DDX4: variants seen among roughly 807,000 people sequenced by gnomAD.
The protein encoded by DDX4 is probable ATP-dependent RNA helicase DDX4.
DDX4 carries 25 observed loss-of-function variants against 100.0 expected under a neutral mutation model. The observed-to-expected ratio is 0.25, with a 90% CI of 0.18 to 0.35. DDX4 has a LOEUF of 0.35. Ranked by LOEUF, DDX4 falls within the 10% of genes least tolerant of loss-of-function variation. DDX4 has a pLI of 1.00. For missense variants in DDX4, 635 were observed against 882.4 expected, an observed-to-expected ratio of 0.72 and a Z score of 3.55; for synonymous variants, 259 against 275.7, an observed-to-expected ratio of 0.94 and a Z score of 0.60.
intron 2 of DDX4, 63 bp from the exon 3 acceptor site, chr5:55,746,101 G>A (rs1259287462): frequency 2.3e-6 from 3 of 1,285,622 alleles, no homozygotes; most frequent in South Asian, 2.6e-5. Context: ...TAGTATTTGT[G>A]AAATAAATGA....
intron 2 of DDX4, 71 bp from the exon 3 acceptor site, chr5:55,746,093 G>A: frequency 8.4e-7 from 1 of 1,188,150 alleles, no homozygotes; most frequent in Non-Finnish European, 1.2e-6. Flanking sequence ...TAATTTTCTA[G>A]TATTTGTGAA....
At chr5:55,812,551 C>T (rs1561520327) in intron 18 of DDX4, among the ~76,000 whole-genome samples, 2 of 138,684 alleles carry the variant, frequency 1.4e-5, no homozygotes, top group South Asian at 4.5e-4. Flanking sequence ...CGAGATTGCG[C>T]CACTGCACTC....
In DDX4 at chr5:55,792,795, A is replaced by G; in HGVS notation, c.1457A>G (p.Glu486Gly). The part of the protein sequence containing the change: ...QTLMFSATFP[E>G]EIQRLAAEFL... ...CTTATGTTCAGTGCAACTTTTCCAG[A>G]GGAAATTCAAAGGTTAAGTTTTTTT... Residue 486 changes from glutamate to glycine, a missense_variant, in exon 17 of 22, where the codon GAG (glutamate) becomes GGG (glycine). By Grantham distance (98) the Glu-to-Gly change is moderately conservative. This residue lies in a region of DDX4 where 115 missense variants were observed against 224.7 expected (regional missense o/e 0.51). Transcript: ENST00000505374. 1 of 1,417,524 alleles carries G rather than the reference A, an allele frequency of 7.1e-7. No individual in the cohort carries two copies. Among genetic ancestry groups the G allele is most frequent in the Non-Finnish European group, 9.2e-7 (1 of 1,081,794 alleles). 87.8% of individuals were successfully genotyped at this position (1,417,524 alleles called of 1,614,324 possible). A position where few individuals can be genotyped will look rare whatever the true frequency, so the allele number is the denominator to read the frequency against.
intron 7 of DDX4, among the ~76,000 whole-genome samples, chr5:55,772,588 A>G (rs1364729460): frequency 6.6e-6 from 1 of 152,120 alleles, no homozygotes; most frequent in Non-Finnish European, 1.5e-5. Flanking sequence ...AGTTGGAGGT[A>G]GGGTCTAATG....
chr5:55,765,096 A>G (rs184617316), intron 6 of DDX4, among the ~76,000 whole-genome samples: 2 of 152,198 alleles, frequency 1.3e-5, no homozygotes, highest in African/African-American at 4.8e-5. Flanking sequence ...ATCCCGTTCA[A>G]ATGAAAACAT....
At chr5:55,777,304 T>C (rs548052951) in intron 7 of DDX4, among the ~76,000 whole-genome samples, 36 of 152,272 alleles carry the variant, frequency 2.4e-4, no homozygotes, top group African/African-American at 7.9e-4. Context: ...TATTTCAATA[T>C]GGAGTTGAAA....
chr5:55,765,413 A>AAAATATATATATATATATATAT (rs1392558099), intron 6 of DDX4, among the ~76,000 whole-genome samples: 5 of 83,004 alleles, frequency 6.0e-5, no homozygotes, highest in Admixed American at 5.1e-4. Context: ...AAAAAAAAAA[A>AAAATATATATATATATATATAT]ATATATATAT....
chr5:55,808,734 G>T (rs903247573), intron 18 of DDX4, among the ~76,000 whole-genome samples: 1 of 152,242 alleles, frequency 6.6e-6, no homozygotes, highest in Non-Finnish European at 1.5e-5. Context: ...CCTACTGGGG[G>T]TGCCTCCCAG....
At chr5:55,814,505 T>C (rs1744278607) in intron 19 of DDX4, among the ~76,000 whole-genome samples, 1 of 118,130 alleles carries the variant, frequency 8.5e-6, no homozygotes, top group Non-Finnish European at 1.7e-5. Flanking sequence ...GCTGCTATTC[T>C]TTTTTTTTTT....
At position 55,763,161 on chromosome 5, in the gene DDX4, C is replaced by A; in HGVS notation, c.206-14C>A. On this transcript the variant is annotated splice_polypyrimidine_tract_variant and intron_variant, in intron 4 of 21. Coordinates refer to ENST00000505374, the MANE Select transcript of DDX4 (RefSeq NM_024415.3). ...TTTATATGTTAAAGAGTTTAACTGT[C>A]CACCCTTTTTCAGATGCTGGTGAGT... The A allele has an allele frequency of 1.9e-6, 3 of 1,573,476 alleles. No homozygotes were observed. Among genetic ancestry groups the A allele is most frequent in the Non-Finnish European group, 2.6e-6 (3 of 1,144,472 alleles).
At chr5:55,765,103 A>G (rs1740805352) in intron 6 of DDX4, among the ~76,000 whole-genome samples, 1 of 152,066 alleles carries the variant, frequency 6.6e-6, no homozygotes, top group Non-Finnish European at 1.5e-5. Flanking sequence ...TCAAATGAAA[A>G]CATATATGAT....
intron 18 of DDX4, among the ~76,000 whole-genome samples, chr5:55,808,048 C>A (rs1445677548): frequency 1.3e-5 from 2 of 152,144 alleles, no homozygotes; most frequent in African/African-American, 4.8e-5. Context: ...AACTTCTCTT[C>A]ACATTTCATT....
chr5:55,788,322 A>G (rs1038221413), intron 15 of DDX4, among the ~76,000 whole-genome samples: 1 of 152,110 alleles, frequency 6.6e-6, no homozygotes, highest in Non-Finnish European at 1.5e-5. Flanking sequence ...AAAAAATAAA[A>G]TAACTAGCCA....
chr5:55,754,119 C>T (rs1190772821), intron 3 of DDX4, among the ~76,000 whole-genome samples: 2 of 148,374 alleles, frequency 1.3e-5, no homozygotes, highest in Admixed American at 6.7e-5. Flanking sequence ...TGTCTGCAAA[C>T]AGGGACAATT....
intron 6 of DDX4, among the ~76,000 whole-genome samples, chr5:55,765,411 A>ATATATAT (rs1285869924): frequency 2.4e-3 from 243 of 99,990 alleles, no homozygotes; most frequent in East Asian, 7.7e-3. Flanking sequence ...AAAAAAAAAA[A>ATATATAT]AAATATATAT....
intron 2 of DDX4, among the ~76,000 whole-genome samples, chr5:55,744,412 A>G (rs906286259): frequency 6.6e-6 from 1 of 152,154 alleles, no homozygotes; most frequent in East Asian, 1.9e-4. Flanking sequence ...AACTTTTGCC[A>G]TAATTAAAGG....
At position 55,775,260 on chromosome 5, in the gene DDX4, G is replaced by A. The variant is rs555983256; in HGVS notation, c.395-4704G>A. ...CCACATTTTGTTTATCCATGTGACG[G>A]ACACTTGGATTGTTTCTTCTTTCCG... is the stretch of plus-strand genomic sequence containing the variant. On this transcript the variant is annotated intron_variant, in intron 7 of 21. Transcript: ENST00000505374. Among the ~76,000 whole-genome samples, 4 of 152,266 alleles carry A rather than the reference G, an allele frequency of 2.6e-5. No homozygotes were observed. In the South Asian group the frequency reaches 8.3e-4, roughly 32 times the overall value.
chr5:55,744,252 T>C (rs1270134253), intron 2 of DDX4, among the ~76,000 whole-genome samples: 2 of 152,150 alleles, frequency 1.3e-5, no homozygotes. Flanking sequence ...TCTCTCTAGG[T>C]TTGGGACTTA....
At chr5:55,759,347 GT>G (rs577306270) in intron 3 of DDX4, among the ~76,000 whole-genome samples, 7 of 147,156 alleles carry the variant, frequency 4.8e-5, no homozygotes, top group East Asian at 2.0e-4. Context: ...TCCATTGTGA[GT>G]TTTTTTTTTG....
Sources: allele counts gnomAD v4.1 joint callset (sites outside exome capture counted in the v4.1 genomes callset), GRCh38; gene constraint gnomAD v4.1.1; regional missense constraint gnomAD v4.1.1; transcripts MANE v1.5; gene names NCBI Gene and HGNC (gene_info 2026-07-23, HGNC 2026-07-21).